PARVA: variants seen among roughly 807,000 people sequenced by gnomAD.
PARVA encodes the protein alpha-parvin.
Under a neutral mutation model 52.6 loss-of-function variants are expected in PARVA, and 25 were observed. The observed-to-expected ratio is 0.48, with a 90% CI of 0.35 to 0.66. The LOEUF (loss-of-function observed/expected upper bound fraction) is 0.66, where lower values mean the gene tolerates loss of function less well. PARVA is among the 30% of genes least tolerant of loss of function. PARVA has a pLI of 0.01. For missense variants in PARVA, 373 were observed against 450.9 expected, an observed-to-expected ratio of 0.83 and a Z score of 1.56; for synonymous variants, 185 against 179.1, an observed-to-expected ratio of 1.03 and a Z score of -0.26.
chr11:12,449,027 A>G (rs1472242729), intron 1 of PARVA, among the ~76,000 whole-genome samples: 1 of 152,148 alleles, frequency 6.6e-6, no homozygotes, highest in Non-Finnish European at 1.5e-5. Context: ...GGAAAATAAT[A>G]TTCACTATAT....
chr11:12,405,103 G>A (rs1939883664), intron 1 of PARVA, among the ~76,000 whole-genome samples: 1 of 152,052 alleles, frequency 6.6e-6, no homozygotes, highest in Non-Finnish European at 1.5e-5. Context: ...CCATCTAACA[G>A]GTTTTTCATT....
intron 12 of PARVA, among the ~76,000 whole-genome samples, chr11:12,525,784 C>G (rs1362975397): frequency 1.3e-5 from 2 of 152,140 alleles, no homozygotes; most frequent in Non-Finnish European, 2.9e-5. Context: ...AGCTCCAGGC[C>G]ACTCCAGGCC....
intron 1 of PARVA, among the ~76,000 whole-genome samples, chr11:12,431,316 C>T (rs1326042546): frequency 6.6e-6 from 1 of 152,234 alleles, no homozygotes; most frequent in Non-Finnish European, 1.5e-5. Context: ...TCTGTCACCC[C>T]TGCGTCCATT....
intron 8 of PARVA, 119 bp downstream of exon 8, chr11:12,511,652 C>A: frequency 9.2e-7 from 1 of 1,083,368 alleles, no homozygotes. Context: ...CTTCACCAGC[C>A]TGGGTGACAT....
intron 1 of PARVA, among the ~76,000 whole-genome samples, chr11:12,460,809 AG>A (rs946555348): frequency 9.9e-5 from 15 of 152,184 alleles, no homozygotes; most frequent in Non-Finnish European, 5.9e-5. Context: ...TGAGATGAAG[AG>A]AGGAAACTTA....
chr11:12,516,030 G>T (rs977613919), intron 10 of PARVA, among the ~76,000 whole-genome samples: 2 of 152,168 alleles, frequency 1.3e-5, no homozygotes, highest in Admixed American at 1.3e-4. Flanking sequence ...GTACAGACAG[G>T]GTTTCACCAT....
At chr11:12,399,318 C>T (rs1213136837) in intron 1 of PARVA, among the ~76,000 whole-genome samples, 1 of 152,206 alleles carries the variant, frequency 6.6e-6, no homozygotes, top group Non-Finnish European at 1.5e-5. Context: ...CTACTACCTA[C>T]AGCAGAGGGG....
chr11:12,503,167 A>G (rs1248625457), intron 5 of PARVA, among the ~76,000 whole-genome samples: 2 of 152,176 alleles, frequency 1.3e-5, no homozygotes, highest in Non-Finnish European at 2.9e-5. Flanking sequence ...CTTAAAGGGC[A>G]TTGCCTACAG....
chr11:12,401,242 A>G (rs1939823364), intron 1 of PARVA, among the ~76,000 whole-genome samples: 1 of 152,220 alleles, frequency 6.6e-6, no homozygotes. Context: ...ATAAGTGGCT[A>G]AAATATGTGG....
At chr11:12,397,096 T>TGTAAACCTCATG (rs1436168643) in intron 1 of PARVA, among the ~76,000 whole-genome samples, 1 of 152,186 alleles carries the variant, frequency 6.6e-6, no homozygotes, top group Admixed American at 6.5e-5. Context: ...ATTGACCTCA[T>TGTAAACCTCATG]TTTTATAAAC....
In PARVA at chr11:12,527,766, G is replaced by C. The variant is rs571645679; in HGVS notation, c.1043-83G>C. 6 of 1,006,794 alleles carry C rather than the reference G, an allele frequency of 6.0e-6. No homozygotes were observed. The Admixed American group carries it at 1.0e-4, about 17-fold the overall frequency. The allele number at this position is 1,006,794 out of a possible 1,614,324, so 62.4% of individuals were successfully genotyped here. On this transcript the variant is annotated intron_variant, in intron 12 of 12. Transcript: ENST00000334956. ...TGCTGGGTACATGGGATTGGGTGGTGGGTGGAAGGGAGGGGCAGTGTATGC... is the reference window on the plus strand; with the variant it reads ...TGCTGGGTACATGGGATTGGGTGGTCGGTGGAAGGGAGGGGCAGTGTATGC...
rs776786636 is a variant in PARVA, at chr11:12,377,662, G to A, written c.15G>A (p.Pro5=). The change falls in exon 1 of 13, where the codon CCG becomes CCA. Residue 5 remains proline, a synonymous_variant. Coordinates refer to ENST00000334956, the MANE Select transcript of PARVA (RefSeq NM_018222.5). MATS[P]QKSPSVPKSP... is the part of the protein sequence containing the mutation. ...TGCGCCGCGCCATGGCCACCTCCCC[G>A]CAGAAGTCGCCTTCTGTCCCCAAGT... is the stretch of plus-strand genomic sequence containing the variant. The A allele has an allele frequency of 3.2e-6, 5 of 1,567,154 alleles. No individual in the cohort carries two copies. The highest frequency in any genetic ancestry group is 5.1e-5 in the East Asian group (2 of 38,936).
intron 1 of PARVA, among the ~76,000 whole-genome samples, chr11:12,413,227 G>A (rs10831812): frequency 0.32 from 49,251 of 151,966 alleles, 8,047 homozygotes; most frequent in East Asian, 0.43. Flanking sequence ...AACATTGCAT[G>A]ATTTGTTAAG....
At chr11:12,392,266 C>CT (rs113647098) in intron 1 of PARVA, among the ~76,000 whole-genome samples, 2,711 of 136,166 alleles carry the variant, frequency 0.02, 94 homozygotes, top group African/African-American at 0.064. Flanking sequence ...TACTTCATTC[C>CT]TTTTTTTTTT....
At chr11:12,493,602 T>C (rs1941258964) in intron 4 of PARVA, among the ~76,000 whole-genome samples, 1 of 118,404 alleles carries the variant, frequency 8.4e-6, no homozygotes, top group East Asian at 2.5e-4. Flanking sequence ...AAATAAGAAA[T>C]ACCAGACGCT....
intron 7 of PARVA, among the ~76,000 whole-genome samples, chr11:12,509,723 C>A (rs1014292889): frequency 6.6e-6 from 1 of 152,186 alleles, no homozygotes; most frequent in Non-Finnish European, 1.5e-5. Context: ...ATAGAGACCC[C>A]ATCAAGCAGC....
chr11:12,377,483 A>G, upstream of PARVA: 1 of 1,416,552 alleles, frequency 7.1e-7, no homozygotes, highest in Non-Finnish European at 9.2e-7. Flanking sequence ...GGAGGGAGCG[A>G]GGGAGGGAGC....
chr11:12,392,802 G>C (rs1308940978), intron 1 of PARVA, among the ~76,000 whole-genome samples: 1 of 151,962 alleles, frequency 6.6e-6, no homozygotes, highest in Non-Finnish European at 1.5e-5. Flanking sequence ...TCAGTCCTGA[G>C]CCTTATGAGT....
chr11:12,521,101 C>T (rs1238687615), intron 12 of PARVA, among the ~76,000 whole-genome samples: 1 of 152,144 alleles, frequency 6.6e-6, no homozygotes, highest in East Asian at 1.9e-4. Flanking sequence ...AACAGGCAGG[C>T]AGGGACTCAG....
Sources: gnomAD v4.1 joint callset for allele counts (sites outside exome capture counted in the v4.1 genomes callset) on GRCh38, gnomAD v4.1.1 for gene constraint, MANE v1.5 for transcripts, NCBI Gene and HGNC (gene_info 2026-07-23, HGNC 2026-07-21) for gene names.